The following MID2 variants were observed in gnomAD, a reference collection of about 807,000 sequenced individuals.
MID2 encodes the protein probable E3 ubiquitin-protein ligase MID2.
Under a neutral mutation model 46.1 loss-of-function variants are expected in MID2, and 13 were observed. That is an observed-to-expected ratio of 0.28 (90% CI 0.18 to 0.45). The LOEUF (loss-of-function observed/expected upper bound fraction) is 0.45, where lower values mean the gene tolerates loss of function less well. Among genes scored for constraint, MID2 ranks in the 20% least tolerant of loss-of-function variants. The pLI is 1.00. For synonymous variants in MID2, 199 were observed against 212.3 expected, an observed-to-expected ratio of 0.94 and a Z score of 0.55; for missense variants, 431 against 575.4, an observed-to-expected ratio of 0.75 and a Z score of 2.57.
In MID2 at chrX:107,927,706, G is replaced by A. The variant is rs1020944027; in HGVS notation, c.*633G>A. 2.7e-5 allele frequency among the ~76,000 whole-genome samples: 3 copies of A among 110,645 alleles called. No individual in the cohort carries two copies. The highest frequency in any genetic ancestry group is 3.8e-5 in the Non-Finnish European group (2 of 52,832). ...AACTTTTTTTTCCAAACACCACCTC[G>A]AACTAGAACAAAAAACTTTTTAATT... is the stretch of plus-strand genomic sequence containing the variant. On this transcript the variant is annotated 3_prime_UTR_variant, in exon 10 of 10. Coordinates refer to ENST00000262843, the MANE Select transcript of MID2 (RefSeq NM_012216.4).
intron 3 of MID2, among the ~76,000 whole-genome samples, chrX:107,872,984 T>C (rs753162436): frequency 6.3e-5 from 7 of 110,394 alleles, no homozygotes; most frequent in Non-Finnish European, 1.3e-4. Context: ...CTTCCTGAGG[T>C]GCATTTTGAT....
intron 2 of MID2, among the ~76,000 whole-genome samples, chrX:107,844,207 T>C (rs1931411228): frequency 9.0e-6 from 1 of 111,555 alleles, no homozygotes; most frequent in Admixed American, 9.6e-5. Flanking sequence ...GAAACTAGCC[T>C]GTCTTTTTAA....
intron 3 of MID2, among the ~76,000 whole-genome samples, chrX:107,860,030 G>A (rs1437800458): frequency 8.9e-6 from 1 of 111,913 alleles, no homozygotes; most frequent in East Asian, 2.8e-4. Flanking sequence ...TATTTAAGAA[G>A]GATTGCTATG....
intron 3 of MID2, among the ~76,000 whole-genome samples, chrX:107,866,019 TAAC>T (rs1931949045): frequency 8.9e-6 from 1 of 112,361 alleles, no homozygotes; most frequent in Non-Finnish European, 1.9e-5. Context: ...CAGGGAAGGA[TAAC>T]AATGCTATGT....
intron 6 of MID2, among the ~76,000 whole-genome samples, chrX:107,916,597 A>G (rs182694549): frequency 6.6e-4 from 74 of 112,427 alleles, no homozygotes; most frequent in African/African-American, 2.3e-3. Flanking sequence ...GGATGCAACC[A>G]GCCTGTTAAA....
At chrX:107,876,788 TCTA>T (rs1484827658) in intron 3 of MID2, among the ~76,000 whole-genome samples, 1 of 112,124 alleles carries the variant, frequency 8.9e-6, no homozygotes, top group African/African-American at 3.2e-5. Context: ...CTGGAAAGCC[TCTA>T]TACAACTGTC....
intron 3 of MID2, among the ~76,000 whole-genome samples, chrX:107,890,886 C>A (rs1232227117): frequency 1.8e-5 from 2 of 110,171 alleles, no homozygotes; most frequent in African/African-American, 6.6e-5. Flanking sequence ...TAGCAATTAG[C>A]GAGGCTCTGT....
intron 3 of MID2, among the ~76,000 whole-genome samples, chrX:107,883,673 C>T (rs1187518908): frequency 8.9e-6 from 1 of 112,176 alleles, no homozygotes; most frequent in African/African-American, 3.2e-5. Context: ...CAGGACTAGC[C>T]TAGTTTTCTC....
intron 2 of MID2, among the ~76,000 whole-genome samples, chrX:107,844,701 C>T (rs1215854456): frequency 9.4e-6 from 1 of 106,100 alleles, no homozygotes; most frequent in African/African-American, 3.7e-5. Flanking sequence ...CTCTACTCCT[C>T]TAAAACATGC....
chrX:107,882,521 C>T (rs1381490345), intron 3 of MID2, among the ~76,000 whole-genome samples: 2 of 111,717 alleles, frequency 1.8e-5, no homozygotes, highest in Admixed American at 9.5e-5. Context: ...AAACAAACAA[C>T]CCCATCAAAA....
At chrX:107,861,640 A>T (rs1931857301) in intron 3 of MID2, among the ~76,000 whole-genome samples, 1 of 112,060 alleles carries the variant, frequency 8.9e-6, no homozygotes, top group South Asian at 3.8e-4. Flanking sequence ...AAACAAACAA[A>T]CAAAAGGAAA....
At chrX:107,919,096 T>C (rs1933022189) in intron 7 of MID2, among the ~76,000 whole-genome samples, 1 of 110,330 alleles carries the variant, frequency 9.1e-6, no homozygotes, top group Non-Finnish European at 1.9e-5. Context: ...AAACAACCCA[T>C]TTGATTGTTG....
chrX:107,891,479 C>G (rs1445065831), intron 3 of MID2, among the ~76,000 whole-genome samples: 4 of 110,401 alleles, frequency 3.6e-5, no homozygotes, highest in Non-Finnish European at 7.6e-5. Context: ...TAGGGTTTCA[C>G]CATGTTGGTC....
intron 3 of MID2, among the ~76,000 whole-genome samples, chrX:107,855,229 C>G (rs1931716629): frequency 8.9e-6 from 1 of 111,826 alleles, no homozygotes; most frequent in Non-Finnish European, 1.9e-5. Flanking sequence ...TACCTTTCCA[C>G]TTATTCTTGT....
Position 107,917,665 on chromosome X carries a change from G to A in MID2, c.1361G>A (p.Ser454Asn), listed in dbSNP as rs899883431. The change falls in exon 7 of 10, where the codon AGT (serine) becomes AAT (asparagine). Residue 454 changes from serine to asparagine, a missense_variant. Transcript: ENST00000262843. ...AACTTCATCAGTAAGTCATGGTGTA[G>A]TTGGGGCCTGTGGCCAGAGATAAGG... is the stretch of plus-strand genomic sequence containing the variant. Reference protein sequence around the residue: ...QANFISKSWCSWGLWPEIRKC... With the variant: ...QANFISKSWCNWGLWPEIRKC... The A allele has an allele frequency of 2.5e-6, 3 of 1,210,471 alleles. No individual in the cohort carries two copies. The highest frequency in any genetic ancestry group is 3.5e-5 in the African/African-American group (2 of 57,285).
chrX:107,888,563 GGT>G (rs1932519310), intron 3 of MID2, among the ~76,000 whole-genome samples: 1 of 111,947 alleles, frequency 8.9e-6, no homozygotes, highest in Non-Finnish European at 1.9e-5. Context: ...GAATAGGTGT[GGT>G]GTGGTGCTGA....
upstream of MID2, chrX:107,825,751 C>T (rs1047239815): frequency 6.4e-6 from 1 of 157,169 alleles, no homozygotes; most frequent in African/African-American, 3.1e-5. Context: ...CTCGGTGTGT[C>T]TTCCTTCAAG....
chrX:107,825,782 A>T, upstream of MID2: 1 of 170,765 alleles, frequency 5.9e-6, no homozygotes, highest in Non-Finnish European at 1.1e-5. Flanking sequence ...GCTGGAGAAA[A>T]GGCTGCTGGA....
intron 3 of MID2, among the ~76,000 whole-genome samples, chrX:107,901,944 A>AAG (rs1280603315): frequency 8.9e-6 from 1 of 111,909 alleles, no homozygotes; most frequent in East Asian, 2.8e-4. Flanking sequence ...TGACAGAATA[A>AAG]AGATGGATGA....
Sources: gnomAD v4.1 joint callset for allele counts (sites outside exome capture counted in the v4.1 genomes callset) on GRCh38, gnomAD v4.1.1 for gene constraint, MANE v1.5 for transcripts, NCBI Gene and HGNC (gene_info 2026-07-23, HGNC 2026-07-21) for gene names.